The following CDH8 variants were observed in gnomAD, a reference collection of about 807,000 sequenced individuals.
CDH8 encodes the protein cadherin 8.
CDH8 carries 17 observed loss-of-function variants against 68.1 expected under a neutral mutation model. The ratio of observed to expected loss-of-function variants is 0.25; its 90% CI spans 0.17 to 0.37. The LOEUF is 0.37. CDH8 is among the 10% of genes least tolerant of loss of function. The pLI, the probability that CDH8 is intolerant of heterozygous loss-of-function variation, is 1.00. For missense variants in CDH8, 763 were observed against 999.3 expected (o/e 0.76, Z 3.19); for synonymous variants, 372 against 365.1 (o/e 1.02, Z -0.21).
chr16:61,814,551 T>C (rs1191551885), intron 7 of CDH8, among the ~76,000 whole-genome samples: 1 of 152,228 alleles, frequency 6.6e-6, no homozygotes, highest in African/African-American at 2.4e-5. Context: ...AATAACTGTA[T>C]GTTTTAGCAT....
At chr16:61,921,082 C>T (rs1195891640) in intron 2 of CDH8, among the ~76,000 whole-genome samples, 1 of 126,874 alleles carries the variant, frequency 7.9e-6, no homozygotes, top group Non-Finnish European at 1.6e-5. Flanking sequence ...GGAAGGGGAA[C>T]ATCACACTCT....
intron 2 of CDH8, among the ~76,000 whole-genome samples, chr16:61,999,962 G>A (rs772624182): frequency 6.9e-6 from 1 of 145,302 alleles, no homozygotes; most frequent in African/African-American, 2.6e-5. Context: ...CCCTCCCCTT[G>A]CCCCCCGACC....
intron 2 of CDH8, among the ~76,000 whole-genome samples, chr16:61,987,635 AATACAG>A (rs1965650306): frequency 6.6e-6 from 1 of 152,166 alleles, no homozygotes; most frequent in South Asian, 2.1e-4. Flanking sequence ...CTGAAATTCA[AATACAG>A]GTCTGACTGA....
intron 10 of CDH8, among the ~76,000 whole-genome samples, chr16:61,679,706 G>A (rs938567940): frequency 5.9e-5 from 9 of 151,878 alleles, no homozygotes; most frequent in Non-Finnish European, 2.9e-5. Context: ...GTACTAATGC[G>A]GGGATCAAAA....
In CDH8 at chr16:61,962,089, T is replaced by G. The variant is rs371358223; in HGVS notation, c.252+59063A>C. 8.6e-4 allele frequency among the ~76,000 whole-genome samples: 131 copies of G among 152,358 alleles called. 2 individuals are homozygous for G. The South Asian group carries it at 0.025, about 29-fold the overall frequency. On this transcript the variant is annotated intron_variant, in intron 2 of 11. Transcript: ENST00000577390. ...TATAAGGAAGAGAAAATATATTTACTGTGCATGAAGTGGAAGTGGATTATC... is the reference window on the plus strand; with the variant it reads ...TATAAGGAAGAGAAAATATATTTACGGTGCATGAAGTGGAAGTGGATTATC...
At chr16:61,845,685 C>G (rs1295015675) in intron 4 of CDH8, among the ~76,000 whole-genome samples, 3 of 151,968 alleles carry the variant, frequency 2.0e-5, no homozygotes, top group Non-Finnish European at 4.4e-5. Context: ...TTCTGAATGG[C>G]AAATTACACA....
chr16:61,756,640 A>G (rs373096660), intron 8 of CDH8, among the ~76,000 whole-genome samples: 8 of 152,174 alleles, frequency 5.3e-5, no homozygotes, highest in Non-Finnish European at 8.8e-5. Flanking sequence ...CAGCAAATTA[A>G]ATAGAGAACA....
At chr16:61,656,875 T>G (rs2142742989) in intron 10 of CDH8, among the ~76,000 whole-genome samples, 1 of 152,274 alleles carries the variant, frequency 6.6e-6, no homozygotes, top group Non-Finnish European at 1.5e-5. Context: ...CCTCATCTCA[T>G]GAATTGCAGT....
intron 2 of CDH8, among the ~76,000 whole-genome samples, chr16:61,941,545 G>A (rs998538377): frequency 4.6e-5 from 7 of 152,154 alleles, no homozygotes; most frequent in Non-Finnish European, 1.0e-4. Context: ...CGTCTCCCAA[G>A]TTCAAGCAAT....
chr16:61,960,001 T>TACACATACACACACACACAAC lies in CDH8; in HGVS notation c.253-58529_253-58528insGTTGTGTGTGTGTGTATGTGT, dbSNP rs1567545532. Among the ~76,000 whole-genome samples the TACACATACACACACACACAAC allele has an allele frequency of 3.7e-5, 3 of 81,328 alleles. 1 individual carries two copies. The highest frequency in any genetic ancestry group is 2.3e-4 in the African/African-American group (3 of 12,896). 53.4% of individuals were successfully genotyped at this position (81,328 alleles called of 152,430 possible). ...GTGTGTGTGTATATATATATATATA[T>TACACATACACACACACACAAC]ATATATATATATATACACACATACA... On this transcript the variant is annotated intron_variant, in intron 2 of 11. Transcript: ENST00000577390.
intron 10 of CDH8, among the ~76,000 whole-genome samples, chr16:61,684,359 C>T (rs1363854919): frequency 1.3e-5 from 2 of 151,790 alleles, no homozygotes; most frequent in African/African-American, 4.8e-5. Context: ...CATTCATTCA[C>T]CAGGTATTAC....
At chr16:61,953,142 A>G (rs1388506572) in intron 2 of CDH8, among the ~76,000 whole-genome samples, 1 of 152,154 alleles carries the variant, frequency 6.6e-6, no homozygotes, top group Non-Finnish European at 1.5e-5. Flanking sequence ...GGTGCCATCT[A>G]TGAACCAGAA....
intron 3 of CDH8, among the ~76,000 whole-genome samples, chr16:61,890,689 T>C (rs1271186383): frequency 6.6e-6 from 1 of 152,154 alleles, no homozygotes; most frequent in Non-Finnish European, 1.5e-5. Context: ...CTATTATAGA[T>C]AACAAAAAAT....
intron 2 of CDH8, among the ~76,000 whole-genome samples, chr16:61,986,203 C>T (rs1439597873): frequency 6.6e-6 from 1 of 152,076 alleles, no homozygotes; most frequent in East Asian, 1.9e-4. Context: ...GGATTACAGG[C>T]GTGAGCTACC....
chr16:61,669,526 G>T (rs1298609747), intron 10 of CDH8, among the ~76,000 whole-genome samples: 2 of 152,116 alleles, frequency 1.3e-5, no homozygotes, highest in East Asian at 3.9e-4. Context: ...CTTGATGAAG[G>T]AACAGATAGA....
intron 8 of CDH8, among the ~76,000 whole-genome samples, chr16:61,750,052 G>C (rs558627047): frequency 6.6e-6 from 1 of 152,080 alleles, no homozygotes; most frequent in East Asian, 1.9e-4. Context: ...TCAACCCTTT[G>C]TCCCCCTGTC....
At chr16:61,982,993 A>T (rs1965564794) in intron 2 of CDH8, among the ~76,000 whole-genome samples, 1 of 152,164 alleles carries the variant, frequency 6.6e-6, no homozygotes, top group African/African-American at 2.4e-5. Context: ...TAACATATAA[A>T]AGTAAGCTAA....
chr16:61,800,546 C>T (rs755420497), intron 7 of CDH8, among the ~76,000 whole-genome samples: 2 of 152,138 alleles, frequency 1.3e-5, no homozygotes, highest in Non-Finnish European at 2.9e-5. Context: ...TGACTTCGAC[C>T]CATTAAGGAC....
At chr16:61,775,634 T>C (rs1169031691) in intron 8 of CDH8, among the ~76,000 whole-genome samples, 1 of 152,030 alleles carries the variant, frequency 6.6e-6, no homozygotes, top group Non-Finnish European at 1.5e-5. Flanking sequence ...CTGCATCTTG[T>C]AACATTGAGA....
Sources: gnomAD v4.1 joint callset for allele counts (sites outside exome capture counted in the v4.1 genomes callset) on GRCh38, gnomAD v4.1.1 for gene constraint, MANE v1.5 for transcripts, NCBI Gene and HGNC (gene_info 2026-07-23, HGNC 2026-07-21) for gene names.